SCOC: variants seen among roughly 807,000 people sequenced by gnomAD.
SCOC encodes the protein short coiled coil protein.
In SCOC, 7 loss-of-function variants were observed where a neutral mutation model predicts 9.9. The ratio of observed to expected loss-of-function variants is 0.71; its 90% confidence interval spans 0.40 to 1.33. The LOEUF is 1.33. Ranked by LOEUF, SCOC falls within the 40% of genes most tolerant of loss-of-function variation. The pLI, the probability that SCOC is intolerant of heterozygous loss-of-function variation, is 0.01. For missense variants in SCOC, 66 were observed against 89.7 expected, an observed-to-expected ratio of 0.74 and a Z score of 1.07; for synonymous variants, 19 against 28.2, an observed-to-expected ratio of 0.67 and a Z score of 1.03.
At chr4:140,358,460 G>C (rs926147133) in intron 2 of SCOC, among the ~76,000 whole-genome samples, 2 of 152,192 alleles carry the variant, frequency 1.3e-5, no homozygotes, top group African/African-American at 4.8e-5. Context: ...TCAGCTAGCT[G>C]TGGTAACATT....
At chr4:140,363,494 C>T (rs1177672301) in intron 2 of SCOC, among the ~76,000 whole-genome samples, 1 of 152,064 alleles carries the variant, frequency 6.6e-6, no homozygotes, top group Non-Finnish European at 1.5e-5. Flanking sequence ...TTACTATTAC[C>T]ATAAAATATC....
At chr4:140,369,332 C>G (rs1727940299), upstream of SCOC, 1 of 404,380 alleles carries the variant, frequency 2.5e-6, no homozygotes. Flanking sequence ...AGCATTCATT[C>G]TCCAATGAAT....
rs1728171844 is a variant in SCOC at position 140,373,672 on chromosome 4, GAGGTGT to G, written c.-95_-90del. 1.3e-6 allele frequency: 2 copies of G among 1,551,012 alleles called. No individual in the cohort carries two copies. The highest frequency in any genetic ancestry group is 1.4e-5 in the African/African-American group (1 of 73,052). ...TCAGTTGGTCCAAGTGTCCCGGCCT[GAGGTGT>G]CGGCCGGATCCCTCCTTCTCCCGGC... On this transcript the variant is annotated 5_prime_UTR_variant, in exon 1 of 4. Coordinates refer to ENST00000608372, the MANE Select transcript of SCOC (RefSeq NM_001153484.2).
At chr4:140,318,399 C>A (rs1732394829) in intron 1 of SCOC, among the ~76,000 whole-genome samples, 1 of 109,718 alleles carries the variant, frequency 9.1e-6, no homozygotes, top group Non-Finnish European at 1.7e-5. Flanking sequence ...AACAAACAAC[C>A]CCATCAAAAA....
chr4:140,314,232 A>G (rs1732243617), intron 1 of SCOC: 2 of 208,258 alleles, frequency 9.6e-6, no homozygotes, highest in Non-Finnish European at 2.1e-5. Context: ...TATCCCTGTC[A>G]GTTTTGAAAA....
At chr4:140,261,537 A>G (rs1245809476) in intron 1 of SCOC, among the ~76,000 whole-genome samples, 1 of 152,202 alleles carries the variant, frequency 6.6e-6, no homozygotes. Context: ...GAAAAGGCTG[A>G]GTGCCCTCTG....
rs576035564 is a variant in SCOC at position 140,260,390 on chromosome 4, G to A, written c.-19+2980G>A. ...TTTCGTTCCTGTGCATGTTGAAGTT[G>A]CACGTGTTGAAATGATGGCGAGTGT... On this transcript the variant is annotated intron_variant, in intron 1 of 4. Transcript: ENST00000394205. 6.6e-5 allele frequency among the ~76,000 whole-genome samples: 10 copies of A among 152,344 alleles called. No homozygotes were observed. In the South Asian group the frequency reaches 2.1e-3, roughly 32 times the overall value.
rs1429883576 is a variant in SCOC, at chr4:140,322,522, G to T, written c.-18-21099G>T. Among the ~76,000 whole-genome samples, 6 of 152,282 alleles carry T rather than the reference G, an allele frequency of 3.9e-5. No individual in the cohort carries two copies. In the East Asian group the frequency reaches 1.2e-3, roughly 29 times the overall value. ...GCCACCCATGTTACAAAGTAGCAAA[G>T]AACTTAGCTGAATTATGTTCATGTC... is the stretch of plus-strand genomic sequence containing the variant. On this transcript the variant is annotated intron_variant, in intron 1 of 4. Coordinates refer to the SCOC transcript ENST00000394205.
chr4:140,323,183 C>T (rs1052155026), intron 1 of SCOC, among the ~76,000 whole-genome samples: 11 of 152,072 alleles, frequency 7.2e-5, no homozygotes, highest in African/African-American at 2.4e-4. Context: ...TTGGTGCCCT[C>T]CCCACAGTAA....
intron 1 of SCOC, among the ~76,000 whole-genome samples, chr4:140,336,193 G>T (rs1377613614): frequency 6.6e-6 from 1 of 152,006 alleles, no homozygotes; most frequent in Non-Finnish European, 1.5e-5. Flanking sequence ...TCTCTGAATT[G>T]TATTTTTTAA....
chr4:140,352,294 G>A (rs1727014765), intron 2 of SCOC, among the ~76,000 whole-genome samples: 1 of 152,188 alleles, frequency 6.6e-6, no homozygotes. Context: ...CACCAGCAAT[G>A]GCAAAAAGTT....
At chr4:140,371,221 G>C (rs1303614823), upstream of SCOC, among the ~76,000 whole-genome samples, 1 of 152,070 alleles carries the variant, frequency 6.6e-6, no homozygotes, top group Non-Finnish European at 1.5e-5. Context: ...ACTATATTCT[G>C]CCAACCTGTG....
upstream of SCOC, among the ~76,000 whole-genome samples, chr4:140,368,753 T>C (rs1280769445): frequency 1.3e-5 from 2 of 152,198 alleles, no homozygotes; most frequent in African/African-American, 4.8e-5. Flanking sequence ...TGCATTCATC[T>C]TGTGTGCAGC....
intron 1 of SCOC, among the ~76,000 whole-genome samples, chr4:140,292,386 G>C (rs1049070175): frequency 6.6e-6 from 1 of 151,920 alleles, no homozygotes; most frequent in Non-Finnish European, 1.5e-5. Context: ...ACAGGGTTTT[G>C]TCATGTTAGC....
chr4:140,325,867 A>G (rs1351814751), intron 1 of SCOC, among the ~76,000 whole-genome samples: 1 of 152,238 alleles, frequency 6.6e-6, no homozygotes, highest in East Asian at 1.9e-4. Flanking sequence ...GTTCATACAA[A>G]AATTCATATA....
At chr4:140,354,616 G>A (rs190650366) in intron 2 of SCOC, among the ~76,000 whole-genome samples, 31 of 148,046 alleles carry the variant, frequency 2.1e-4, no homozygotes, top group Non-Finnish European at 3.4e-4. Context: ...TTTAGGTAAC[G>A]TGTAATCATT....
intron 1 of SCOC, among the ~76,000 whole-genome samples, chr4:140,375,444 C>G (rs2126592842): frequency 6.6e-6 from 1 of 152,266 alleles, no homozygotes; most frequent in Non-Finnish European, 1.5e-5. Flanking sequence ...GCCCAGGGTT[C>G]CAGAGCTTAT....
chr4:140,376,998 T>C (rs1728371792), intron 1 of SCOC, among the ~76,000 whole-genome samples: 3 of 152,322 alleles, frequency 2.0e-5, no homozygotes, highest in South Asian at 4.1e-4. Context: ...AATCATTGGA[T>C]ATGAGAAATT....
chr4:140,352,552 G>T (rs931229198), intron 2 of SCOC, among the ~76,000 whole-genome samples: 1 of 152,204 alleles, frequency 6.6e-6, no homozygotes, highest in African/African-American at 2.4e-5. Context: ...GCTAGAAATT[G>T]TAAGTGCTCT....
Sources: allele counts gnomAD v4.1 joint callset (sites outside exome capture counted in the v4.1 genomes callset), GRCh38; gene constraint gnomAD v4.1.1; transcripts MANE v1.5; gene names NCBI Gene and HGNC (gene_info 2026-07-23, HGNC 2026-07-21).